TELO2: variants seen among roughly 807,000 people sequenced by gnomAD.
TELO2 encodes telomere maintenance 2.
Under a neutral mutation model 91.0 loss-of-function variants are expected in TELO2, and 71 were observed. That is an observed-to-expected ratio of 0.78 (90% CI 0.64 to 0.95). The LOEUF is 0.95. Among genes scored for constraint, TELO2 ranks in the 40% least tolerant of loss-of-function variants. The probability of loss-of-function intolerance (pLI) is 0.00; values close to 1 mark genes in which losing one functional copy is unlikely to be tolerated. For missense variants in TELO2, 1,183 were observed against 1,141.3 expected (o/e 1.04, Z -0.53); for synonymous variants, 584 against 518.9 (o/e 1.13, Z -1.71).
chr16:1,503,819 C>T (rs1012138620), intron 15 of TELO2, among the ~76,000 whole-genome samples: 10 of 152,204 alleles, frequency 6.6e-5, no homozygotes, highest in South Asian at 2.1e-4. Context: ...ATTAATGCCA[C>T]GGAACTGTAC....
At chr16:1,499,738 C>T (rs2039610155) in intron 6 of TELO2, among the ~76,000 whole-genome samples, 2 of 152,194 alleles carry the variant, frequency 1.3e-5, no homozygotes, top group South Asian at 4.1e-4. Flanking sequence ...AGTGGGTGAG[C>T]CGGGTCCCCT....
rs936416087 is a variant in TELO2 at position 1,499,346 on chromosome 16, C to T, written c.933+13C>T. ...GTCCCGGCTCACGGTGAGGACGCCACGGAGGGTGCAGGCTGCTGGCTGCCC... is the reference window on the plus strand; with the variant it reads ...GTCCCGGCTCACGGTGAGGACGCCATGGAGGGTGCAGGCTGCTGGCTGCCC... On this transcript the variant is annotated intron_variant, in intron 6 of 20. Coordinates refer to ENST00000262319, the MANE Select transcript of TELO2 (RefSeq NM_016111.4). 11 of 1,612,664 alleles carry T rather than the reference C, an allele frequency of 6.8e-6. No individual in the cohort carries two copies. The highest frequency in any genetic ancestry group is 1.3e-5 in the African/African-American group (1 of 74,792).
At chr16:1,502,785 T>C (rs1446293136) in intron 14 of TELO2, 24 bp downstream of exon 14, 3 of 1,608,740 alleles carry the variant, frequency 1.9e-6, no homozygotes, top group Non-Finnish European at 2.5e-6. Context: ...CCCGTGGCCC[T>C]GGCCAGTGCA....
chr16:1,506,361 G>C, intron 17 of TELO2, 32 bp downstream of exon 17: 1 of 1,613,552 alleles, frequency 6.2e-7, no homozygotes, highest in Non-Finnish European at 8.5e-7. Flanking sequence ...CTGTGGACTT[G>C]GGGGACAGGG....
chr16:1,501,971 A>G, intron 11 of TELO2, 76 bp from the exon 12 acceptor site: 1 of 1,589,570 alleles, frequency 6.3e-7, no homozygotes, highest in Non-Finnish European at 8.6e-7. Flanking sequence ...TGGGGAGGAG[A>G]GAGGGGCTGG....
intron 9 of TELO2, 72 bp from the exon 10 acceptor site, chr16:1,501,348 C>A: frequency 6.6e-7 from 1 of 1,514,558 alleles, no homozygotes; most frequent in Non-Finnish European, 9.0e-7. Flanking sequence ...TGGGGAGTGG[C>A]TCCCGTGGCT....
rs1473393358 is a variant in TELO2, at chr16:1,494,498, G to C, written c.217G>C (p.Ala73Pro). ...ATGTCTTGCCAGCAGGCTGAGCCCAGCCTGGCTGGAGCTGCTGCCCCATGG... is the reference window on the plus strand; with the variant it reads ...ATGTCTTGCCAGCAGGCTGAGCCCACCCTGGCTGGAGCTGCTGCCCCATGG... ...LRCLASRLSP[A>P]WLELLPHGRL... Residue 73 changes from alanine (A) to proline (P), a missense_variant, in exon 2 of 21, where the codon GCC becomes CCC. Physicochemically the swap from Ala to Pro is conservative, Grantham distance 27. Coordinates refer to ENST00000262319, the MANE Select transcript of TELO2 (RefSeq NM_016111.4). This position sits in a 1 kb window ranked among gnomAD's most constrained non-coding sequence, Gnocchi z 5.6. The C allele has an allele frequency of 6.2e-7, 1 of 1,613,214 alleles. No individual in the cohort carries two copies. Among genetic ancestry groups the C allele is most frequent in the African/African-American group, 1.3e-5 (1 of 74,920 alleles).
Position 1,502,634 on chromosome 16 carries a change from C to T in TELO2, c.1654-11C>T, listed in dbSNP as rs373805497. 1.7e-5 allele frequency: 27 copies of T among 1,609,740 alleles called. No individual in the cohort carries two copies. Among genetic ancestry groups the T allele is most frequent in the Admixed American group, 3.3e-5 (2 of 59,956 alleles). On this transcript the variant is annotated splice_polypyrimidine_tract_variant and intron_variant, in intron 13 of 20. Coordinates refer to ENST00000262319, the MANE Select transcript of TELO2 (RefSeq NM_016111.4). ...TCCGACAGGTTTCCCAGCCCTAACC[C>T]CTGCGTGCAGGTGAGCGTGGAGCTG...
chr16:1,502,539 C>T, intron 13 of TELO2, 106 bp from the exon 14 acceptor site: 2 of 1,512,480 alleles, frequency 1.3e-6, no homozygotes, highest in South Asian at 1.2e-5. Flanking sequence ...GGGCCTGCGG[C>T]CTGGGGCCTC....
At position 1,494,166 on chromosome 16, in the gene TELO2, C is replaced by T. The variant is rs998243427; in HGVS notation, c.-36-80C>T. 36 of 985,658 alleles carry T rather than the reference C, an allele frequency of 3.7e-5. No individual in the cohort carries two copies. The highest frequency in any genetic ancestry group is 6.5e-5 in the African/African-American group (4 of 61,692). 61.1% of individuals were successfully genotyped at this position (985,658 alleles called of 1,614,324 possible). On this transcript the variant is annotated intron_variant, in intron 1 of 20. Transcript: ENST00000262319. The surrounding 1 kb of genome is among the most constrained non-coding windows in gnomAD (Gnocchi z 5.6). ...ACCAGGGTTGAGGGGTGTGGGGTCT[C>T]GGGGCGCTCACCGAGGGGCTTCCTG...
At chr16:1,507,166 C>A in intron 18 of TELO2, 115 bp downstream of exon 18, 1 of 1,479,844 alleles carries the variant, frequency 6.8e-7, no homozygotes. Flanking sequence ...CCTGTGTGGG[C>A]CCCCGGGCAG....
At chr16:1,508,955 C>T (rs2040014138) in intron 20 of TELO2, among the ~76,000 whole-genome samples, 1 of 152,158 alleles carries the variant, frequency 6.6e-6, no homozygotes, top group African/African-American at 2.4e-5. Context: ...TGAGGCCCCC[C>T]AGACACCAGA....
intron 12 of TELO2, 27 bp downstream of exon 12, chr16:1,502,162 G>C (rs756296392): frequency 6.2e-7 from 1 of 1,611,414 alleles, no homozygotes; most frequent in African/African-American, 1.3e-5. Flanking sequence ...GGAGGGCCTT[G>C]CTGGGCTGGG....
chr16:1,500,044 C>A, intron 6 of TELO2, 52 bp from the exon 7 acceptor site: 1 of 1,571,116 alleles, frequency 6.4e-7, no homozygotes, highest in Non-Finnish European at 8.6e-7. Context: ...GAGCCCCGGG[C>A]TGGCCAGGCG....
chr16:1,506,931 G>C (rs200190424), intron 17 of TELO2, 21 bp from the exon 18 acceptor site: 1 of 1,594,398 alleles, frequency 6.3e-7, no homozygotes. Flanking sequence ...GCTGCACCTT[G>C]GGCTCCATCC....
rs1596246348 is a variant in TELO2 at position 1,494,148 on chromosome 16, T to G, written c.-36-98T>G. 1.3e-6 allele frequency: 1 copy of G among 775,438 alleles called. No homozygotes were observed. The highest frequency in any genetic ancestry group is 2.1e-6 in the Non-Finnish European group (1 of 484,932). 48.0% of individuals were successfully genotyped at this position (775,438 alleles called of 1,614,324 possible). A position where few individuals can be genotyped will look rare whatever the true frequency, so the allele number is the denominator to read the frequency against. On this transcript the variant is annotated intron_variant, in intron 1 of 20. Coordinates refer to ENST00000262319, the MANE Select transcript of TELO2 (RefSeq NM_016111.4). This position sits in a 1 kb window ranked among gnomAD's most constrained non-coding sequence, Gnocchi z 5.6. ...GGGACAGGGTTGGGTGGGACCAGGG[T>G]TGAGGGGTGTGGGGTCTCGGGGCGC...
At chr16:1,506,191 G>A (rs762812176) in intron 16 of TELO2, 47 bp from the exon 17 acceptor site, 15 of 1,600,620 alleles carry the variant, frequency 9.4e-6, no homozygotes, top group East Asian at 4.5e-5. Context: ...TGCCGTGCCC[G>A]CTGCCCAAGC....
chr16:1,507,497 T>C (rs1427532328), intron 19 of TELO2, 104 bp from the exon 20 acceptor site: 1 of 1,494,386 alleles, frequency 6.7e-7, no homozygotes, highest in South Asian at 1.2e-5. Flanking sequence ...AAATAGGAAG[T>C]GTGCCAGGCA....
At position 1,507,774 on chromosome 16, in the gene TELO2, ATG is replaced by A. The variant is rs1258445053; in HGVS notation, c.2407+75_2407+76del. 2.8e-4 allele frequency: 288 copies of A among 1,022,972 alleles called. 1 individual carries two copies. Among genetic ancestry groups the A allele is most frequent in the Non-Finnish European group, 3.1e-4 (244 of 782,956 alleles). 63.4% of individuals were successfully genotyped at this position (1,022,972 alleles called of 1,614,324 possible). A position where few individuals can be genotyped will look rare whatever the true frequency, so the allele number is the denominator to read the frequency against. ...GTGTGTCGGCCCGGGGTGTGTGTGT[ATG>A]TGTGTGTGTGTGTGTGAGAGATGTG... On this transcript the variant is annotated intron_variant, in intron 20 of 20. Transcript: ENST00000262319.
Sources: gnomAD v4.1 joint callset for allele counts (sites outside exome capture counted in the v4.1 genomes callset) on GRCh38, gnomAD v4.1.1 for gene constraint, Gnocchi (gnomAD v3.1) non-coding constraint, MANE v1.5 for transcripts, NCBI Gene and HGNC (gene_info 2026-07-23, HGNC 2026-07-21) for gene names.